Variants in KIF13B observed in about 807,000 individuals in gnomAD.
The protein encoded by KIF13B is kinesin-like protein KIF13B.
Under a neutral mutation model 222.0 loss-of-function variants are expected in KIF13B, and 127 were observed. The ratio of observed to expected loss-of-function variants is 0.57; its 90% CI spans 0.50 to 0.66. KIF13B has a LOEUF of 0.66. Among genes scored for constraint, KIF13B ranks in the 30% least tolerant of loss-of-function variants. The pLI is 0.00. For missense variants in KIF13B, 2,173 were observed against 2,379.0 expected (o/e 0.91, Z 1.80); for synonymous variants, 976 against 919.0 (o/e 1.06, Z -1.12).
intron 1 of KIF13B, among the ~76,000 whole-genome samples, chr8:29,251,240 T>C (rs1816269360): frequency 6.6e-6 from 1 of 151,686 alleles, no homozygotes; most frequent in African/African-American, 2.4e-5. Context: ...AAAACACCTA[T>C]CAAAAATCCA....
intron 13 of KIF13B, among the ~76,000 whole-genome samples, chr8:29,157,721 A>T (rs765267360): frequency 4.6e-5 from 7 of 151,736 alleles, no homozygotes; most frequent in Non-Finnish European, 1.0e-4. Flanking sequence ...TAAATAAATA[A>T]ATATAAAAAT....
At chr8:29,121,981 G>A (rs190469774) in intron 29 of KIF13B, among the ~76,000 whole-genome samples, 4 of 152,290 alleles carry the variant, frequency 2.6e-5, no homozygotes, top group South Asian at 2.1e-4. Context: ...GAAGCCGGGC[G>A]CAGTGGCTCA....
chr8:29,183,457 G>A (rs934681918), intron 6 of KIF13B, among the ~76,000 whole-genome samples: 6 of 152,028 alleles, frequency 3.9e-5, no homozygotes, highest in East Asian at 1.9e-4. Flanking sequence ...CAACCAATGC[G>A]TCAAGTTTTT....
intron 14 of KIF13B, among the ~76,000 whole-genome samples, chr8:29,154,888 T>A (rs916602943): frequency 6.6e-6 from 1 of 152,206 alleles, no homozygotes; most frequent in African/African-American, 2.4e-5. Context: ...TTGAAGACTT[T>A]ATGGATAAAA....
intron 21 of KIF13B, among the ~76,000 whole-genome samples, chr8:29,138,183 C>G (rs1419061208): frequency 6.6e-6 from 1 of 152,030 alleles, no homozygotes; most frequent in Non-Finnish European, 1.5e-5. Context: ...AACCCTGTCT[C>G]TACTAAAAAT....
chr8:29,180,953 C>T (rs1812688417), intron 7 of KIF13B, among the ~76,000 whole-genome samples: 3 of 152,102 alleles, frequency 2.0e-5, no homozygotes, highest in South Asian at 4.1e-4. Flanking sequence ...GTGCAAAAGT[C>T]GACTAGATGC....
At chr8:29,117,068 CA>C in intron 30 of KIF13B, 61 bp from the exon 31 acceptor site, 2 of 1,454,788 alleles carry the variant, frequency 1.4e-6, no homozygotes, top group Non-Finnish European at 1.9e-6. Flanking sequence ...AAAACTCTTT[CA>C]AGGAAACCAC....
At chr8:29,211,731 C>A (rs981304826) in intron 2 of KIF13B, among the ~76,000 whole-genome samples, 1 of 152,236 alleles carries the variant, frequency 6.6e-6, no homozygotes. Flanking sequence ...GCATGAGTTA[C>A]AACCAGCCAC....
At chr8:29,199,661 G>A (rs79303352) in intron 2 of KIF13B, among the ~76,000 whole-genome samples, 81 of 149,830 alleles carry the variant, frequency 5.4e-4, no homozygotes, top group African/African-American at 1.9e-3. Context: ...CCTGTAATAA[G>A]CAGTATGTAT....
chr8:29,228,706 A>AG (rs566200681), intron 2 of KIF13B, among the ~76,000 whole-genome samples: 3 of 152,156 alleles, frequency 2.0e-5, no homozygotes, highest in East Asian at 3.9e-4. Context: ...CTGAGCTTAC[A>AG]GGAACAGGTG....
chr8:29,126,962 G>C (rs1430607181), intron 25 of KIF13B, among the ~76,000 whole-genome samples, 160 bp downstream of exon 25: 1 of 152,174 alleles, frequency 6.6e-6, no homozygotes, highest in Non-Finnish European at 1.5e-5. Context: ...GTCCGATGCA[G>C]TGATTCCATG....
intron 2 of KIF13B, among the ~76,000 whole-genome samples, chr8:29,231,385 C>T (rs28461326): frequency 0.14 from 21,966 of 152,134 alleles, 1,637 homozygotes; most frequent in African/African-American, 0.16. Flanking sequence ...GTGTATGAAA[C>T]GTCTGGCTCC....
chr8:29,104,816 T>C (rs1217816951), intron 35 of KIF13B, among the ~76,000 whole-genome samples: 1 of 152,112 alleles, frequency 6.6e-6, no homozygotes. Context: ...CGATCTCGGC[T>C]CACTGCAGGC....
intron 30 of KIF13B, 56 bp from the exon 31 acceptor site, chr8:29,117,063 T>A: frequency 1.4e-6 from 2 of 1,476,964 alleles, no homozygotes; most frequent in Non-Finnish European, 1.8e-6. Flanking sequence ...ACATGAAAAC[T>A]CTTTCAAGGA....
chr8:29,146,464 T>G lies in KIF13B; in HGVS notation c.2101A>C (p.Asn701His). ...VKANLLVREANYIAEELDKRT... is the reference protein window; with the variant it reads ...VKANLLVREAHYIAEELDKRT... ...TTATCCAGCTCCTCAGCAATGTAAT[T>G]AGCTTCTCTCACCAATAGATTGGCC... The change falls in exon 18 of 40, where the codon AAT becomes CAT. Residue 701 changes from asparagine (N) to histidine (H), a missense_variant. Coordinates refer to ENST00000524189, the MANE Select transcript of KIF13B (RefSeq NM_015254.4). 1.9e-6 allele frequency: 3 copies of G among 1,613,840 alleles called. No individual in the cohort carries two copies. In the South Asian group the frequency reaches 3.3e-5, roughly 18 times the overall value.
Position 29,146,557 on chromosome 8 carries a change from A to C in KIF13B, c.2025-17T>G, listed in dbSNP as rs572902954. 46 of 1,608,352 alleles carry C rather than the reference A, an allele frequency of 2.9e-5. No individual in the cohort carries two copies. In the South Asian group the frequency reaches 5.0e-4, roughly 17 times the overall value. ...GTTGCTTCTCTAAAAAAAAATAAAG[A>C]AGCGGCAGAGGTAGGGAAGAGATTA... On this transcript the variant is annotated splice_polypyrimidine_tract_variant and intron_variant, in intron 17 of 39. Transcript: ENST00000524189.
At chr8:29,175,996 C>A (rs1026094013) in intron 10 of KIF13B, 72 bp downstream of exon 10, 2 of 812,842 alleles carry the variant, frequency 2.5e-6, no homozygotes, top group South Asian at 1.4e-5. Context: ...AAGGGATTAA[C>A]AGTCTACTCT....
At chr8:29,098,341 G>A (rs1318438335) in intron 36 of KIF13B, among the ~76,000 whole-genome samples, 2 of 151,736 alleles carry the variant, frequency 1.3e-5, no homozygotes, top group Non-Finnish European at 1.5e-5. Context: ...AGTAGCTCAC[G>A]CCTGTAATCC....
At chr8:29,100,955 T>C (rs979401424) in intron 35 of KIF13B, among the ~76,000 whole-genome samples, 2 of 152,156 alleles carry the variant, frequency 1.3e-5, no homozygotes, top group African/African-American at 4.8e-5. Flanking sequence ...AATGCCACTT[T>C]TCCCTAGGAA....
Sources: allele counts gnomAD v4.1 joint callset (sites outside exome capture counted in the v4.1 genomes callset), GRCh38; gene constraint gnomAD v4.1.1; transcripts MANE v1.5; gene names NCBI Gene and HGNC (gene_info 2026-07-23, HGNC 2026-07-21).